SEMA3A: variants seen among roughly 807,000 people sequenced by gnomAD.
SEMA3A encodes semaphorin-3A.
Under a neutral mutation model 97.9 loss-of-function variants are expected in SEMA3A, and 29 were observed. The observed-to-expected ratio is 0.30, with a 90% CI of 0.22 to 0.40. The LOEUF (loss-of-function observed/expected upper bound fraction) is 0.40. Among genes scored for constraint, SEMA3A ranks in the 10% least tolerant of loss-of-function variants. SEMA3A has a pLI of 1.00. For missense variants in SEMA3A, 763 were observed against 951.3 expected (o/e 0.80, Z 2.60); for synonymous variants, 321 against 323.7 (o/e 0.99, Z 0.09).
chr7:83,973,226 T>A (rs1584492886), intron 15 of SEMA3A, among the ~76,000 whole-genome samples: 1 of 152,296 alleles, frequency 6.6e-6, no homozygotes, highest in East Asian at 1.9e-4. Flanking sequence ...GAGTATTTTT[T>A]AATCTCTTTC....
At chr7:84,003,689 A>C (rs1790549601) in intron 11 of SEMA3A, among the ~76,000 whole-genome samples, 1 of 152,158 alleles carries the variant, frequency 6.6e-6, no homozygotes, top group Admixed American at 6.5e-5. Flanking sequence ...TTTAAGCCAG[A>C]GGTGAAGAAA....
At chr7:84,061,115 G>A (rs1288804505) in intron 4 of SEMA3A, among the ~76,000 whole-genome samples, 1 of 152,166 alleles carries the variant, frequency 6.6e-6, no homozygotes, top group African/African-American at 2.4e-5. Context: ...AGTTACAGCA[G>A]CAGGTGAAGT....
chr7:84,017,982 C>A (rs1006750233), intron 6 of SEMA3A, among the ~76,000 whole-genome samples: 1 of 152,106 alleles, frequency 6.6e-6, no homozygotes, highest in African/African-American at 2.4e-5. Flanking sequence ...GTAAATATAT[C>A]TGCTATAAAT....
chr7:84,270,083 G>T (rs1286079434), intron 3 of SEMA3A, among the ~76,000 whole-genome samples: 1 of 152,028 alleles, frequency 6.6e-6, no homozygotes, highest in Non-Finnish European at 1.5e-5. Flanking sequence ...TATCCCCTGA[G>T]GTAAGATCAG....
intron 10 of SEMA3A, 121 bp from the exon 11 acceptor site, chr7:84,005,679 A>G: frequency 1.5e-6 from 1 of 670,692 alleles, no homozygotes; most frequent in Non-Finnish European, 2.5e-6. Context: ...CAGGTATGGT[A>G]GCTCACACCT....
chr7:84,446,437 C>T (rs1805416697), intron 1 of SEMA3A, among the ~76,000 whole-genome samples: 1 of 152,060 alleles, frequency 6.6e-6, no homozygotes, highest in African/African-American at 2.4e-5. Flanking sequence ...TACTAGCAAA[C>T]TGAATTCAGC....
intron 15 of SEMA3A, among the ~76,000 whole-genome samples, chr7:83,967,347 C>T (rs1788737980): frequency 6.6e-6 from 1 of 152,160 alleles, no homozygotes; most frequent in South Asian, 2.1e-4. Context: ...TGTTCTATCT[C>T]CCTCCAGCCC....
chr7:84,055,923 G>A (rs578068007), intron 5 of SEMA3A, among the ~76,000 whole-genome samples: 1 of 152,226 alleles, frequency 6.6e-6, no homozygotes, highest in African/African-American at 2.4e-5. Context: ...ATAAACATTT[G>A]TCCAATTTTA....
intron 3 of SEMA3A, among the ~76,000 whole-genome samples, chr7:84,124,175 A>G (rs959760718): frequency 5.3e-5 from 8 of 152,170 alleles, no homozygotes; most frequent in African/African-American, 1.7e-4. Flanking sequence ...CTAAAAGTGC[A>G]TAAGATTAGC....
At chr7:84,368,175 T>C (rs866839728) in intron 2 of SEMA3A, among the ~76,000 whole-genome samples, 36 of 151,370 alleles carry the variant, frequency 2.4e-4, no homozygotes, top group African/African-American at 8.7e-4. Context: ...AAATTCTATT[T>C]TTCTTTACAA....
intron 3 of SEMA3A, among the ~76,000 whole-genome samples, chr7:84,262,176 T>G (rs1015667899): frequency 6.6e-6 from 1 of 152,080 alleles, no homozygotes; most frequent in Non-Finnish European, 1.5e-5. Flanking sequence ...GTGGCCAGCA[T>G]ACTTTTTAGA....
chr7:84,319,662 T>C (rs75531156), intron 2 of SEMA3A, among the ~76,000 whole-genome samples: 1,627 of 152,316 alleles, frequency 0.011, 32 homozygotes, highest in African/African-American at 0.036. Flanking sequence ...TAGCAATATC[T>C]GTGACATTAT....
chr7:84,064,616 C>A (rs1309961338), intron 4 of SEMA3A, among the ~76,000 whole-genome samples: 5 of 149,386 alleles, frequency 3.3e-5, no homozygotes, highest in African/African-American at 5.0e-5. Flanking sequence ...CAGGGGTTGC[C>A]ATCCTAGTCT....
In SEMA3A at chr7:84,241,215, C is replaced by T. The variant is rs148836807; in HGVS notation, c.-82-46547G>A. On this transcript the variant is annotated intron_variant, in intron 3 of 3. Transcript: ENST00000424555. ...CAAAATGGTTGAACTAATTTACACT[C>T]CCACCAACAGTGTAAAAGCATTCCT... 7.2e-3 allele frequency among the ~76,000 whole-genome samples: 1,093 copies of T among 152,280 alleles called. 7 individuals are homozygous for T. The highest frequency in any genetic ancestry group is 0.01 in the Non-Finnish European group (704 of 68,028).
At chr7:84,165,331 GACA>G (rs369595453) in intron 1 of SEMA3A, among the ~76,000 whole-genome samples, 1 of 152,018 alleles carries the variant, frequency 6.6e-6, no homozygotes, top group Non-Finnish European at 1.5e-5. Flanking sequence ...AAGAAATTTG[GACA>G]ACAATATATA....
intron 3 of SEMA3A, among the ~76,000 whole-genome samples, chr7:84,232,961 T>C (rs543220614): frequency 4.3e-4 from 66 of 152,084 alleles, no homozygotes; most frequent in Non-Finnish European, 7.4e-4. Flanking sequence ...TTAGGATGTA[T>C]TGAGCAGTGA....
chr7:83,989,608 A>T (rs1312440766), intron 12 of SEMA3A, among the ~76,000 whole-genome samples: 2 of 127,798 alleles, frequency 1.6e-5, no homozygotes, highest in Non-Finnish European at 3.3e-5. Flanking sequence ...GAGAATGATG[A>T]TTTCCAATTT....
intron 1 of SEMA3A, among the ~76,000 whole-genome samples, chr7:84,435,025 A>G (rs1805088020): frequency 6.6e-6 from 1 of 152,178 alleles, no homozygotes; most frequent in Admixed American, 6.5e-5. Flanking sequence ...AGGCAAGACA[A>G]ATAAATAAAA....
At chr7:84,370,868 TA>T (rs1217616344) in intron 2 of SEMA3A, among the ~76,000 whole-genome samples, 4 of 151,428 alleles carry the variant, frequency 2.6e-5, no homozygotes, top group Admixed American at 2.0e-4. Context: ...TCAGTTCCCC[TA>T]AGTTTTTCCA....
Sources: allele counts gnomAD v4.1 joint callset (sites outside exome capture counted in the v4.1 genomes callset), GRCh38; gene constraint gnomAD v4.1.1; transcripts MANE v1.5; gene names NCBI Gene and HGNC (gene_info 2026-07-23, HGNC 2026-07-21).